TNFAIP8L3: variants seen among roughly 807,000 people sequenced by gnomAD.
The protein encoded by TNFAIP8L3 is TNF alpha induced protein 8 like 3.
Under a neutral mutation model 11.8 loss-of-function variants are expected in TNFAIP8L3, and 7 were observed. The observed-to-expected ratio is 0.59, with a 90% confidence interval of 0.34 to 1.11. The LOEUF is 1.11. Ranked by LOEUF, TNFAIP8L3 falls within the 50% of genes most tolerant of loss-of-function variation. The probability of loss-of-function intolerance (pLI) is 0.03; values close to 1 mark genes in which losing one functional copy is unlikely to be tolerated. For synonymous variants in TNFAIP8L3, 98 were observed against 103.8 expected, an observed-to-expected ratio of 0.94 and a Z score of 0.34; for missense variants, 219 against 258.6, an observed-to-expected ratio of 0.85 and a Z score of 1.05.
chr15:51,099,462 AAGAG>A (rs773087639), upstream of TNFAIP8L3, among the ~76,000 whole-genome samples: 1 of 152,002 alleles, frequency 6.6e-6, no homozygotes, highest in Non-Finnish European at 1.5e-5. Context: ...GGAGAAGAGA[AAGAG>A]AGAGAGAGAA....
rs1295523812 is a variant in TNFAIP8L3, at chr15:51,094,435, G to A, written c.52+109C>T. 3 of 1,246,176 alleles carry A rather than the reference G, an allele frequency of 2.4e-6. No homozygotes were observed. In the African/African-American group the frequency reaches 4.8e-5, roughly 20 times the overall value. 77.2% of individuals were successfully genotyped at this position (1,246,176 alleles called of 1,614,324 possible). A position where few individuals can be genotyped will look rare whatever the true frequency, so the allele number is the denominator to read the frequency against. Reference sequence around the variant, plus strand: ...CGACGCGGAGCAATCCCCAGTCTTGGCCTGGAAGGGGTCGGGCTGCTGAGG... The same window carrying A: ...CGACGCGGAGCAATCCCCAGTCTTGACCTGGAAGGGGTCGGGCTGCTGAGG... On this transcript the variant is annotated intron_variant, in intron 1 of 1. Transcript: ENST00000637513. This position sits in a 1 kb window ranked among gnomAD's most constrained non-coding sequence, Gnocchi z 4.4.
intron 1 of TNFAIP8L3, among the ~76,000 whole-genome samples, chr15:51,069,982 C>T (rs1490894564): frequency 1.3e-5 from 2 of 152,132 alleles, no homozygotes; most frequent in African/African-American, 4.8e-5. Flanking sequence ...TATTTCATCA[C>T]TTTTTTAAAT....
At chr15:51,058,970 T>G (rs1461231971) in intron 1 of TNFAIP8L3, among the ~76,000 whole-genome samples, 1 of 152,244 alleles carries the variant, frequency 6.6e-6, no homozygotes, top group African/African-American at 2.4e-5. Flanking sequence ...TTCTTTTGCT[T>G]TTGAAATATT....
chr15:51,097,410 G>C (rs1285626340), upstream of TNFAIP8L3, among the ~76,000 whole-genome samples: 1 of 152,198 alleles, frequency 6.6e-6, no homozygotes, highest in African/African-American at 2.4e-5. Context: ...TGGGCATGGG[G>C]GGGAGAGAAA....
At chr15:51,100,415 G>A (rs1427212288) in intron 1 of TNFAIP8L3, among the ~76,000 whole-genome samples, 1 of 151,878 alleles carries the variant, frequency 6.6e-6, no homozygotes, top group Non-Finnish European at 1.5e-5. Context: ...ACAACAACAA[G>A]AGTAGTGATT....
chr15:51,082,500 C>G (rs966731974), intron 1 of TNFAIP8L3, among the ~76,000 whole-genome samples: 1 of 152,166 alleles, frequency 6.6e-6, no homozygotes, highest in Admixed American at 6.5e-5. Context: ...CTACTATAGA[C>G]TTTATCAACA....
At chr15:51,071,849 T>G (rs1410580359) in intron 1 of TNFAIP8L3, among the ~76,000 whole-genome samples, 2 of 152,218 alleles carry the variant, frequency 1.3e-5, no homozygotes, top group Non-Finnish European at 2.9e-5. Context: ...CATCCAACTT[T>G]TTAATTTTTG....
rs2065215737 is a variant in TNFAIP8L3 at position 51,057,806 on chromosome 15, G to T, written c.*75C>A. ...ATCTTTGACAAGGGTTTCTGCTTATGTTCTTGATTCTCACCCAGATCATGG... is the reference window on the plus strand; with the variant it reads ...ATCTTTGACAAGGGTTTCTGCTTATTTTCTTGATTCTCACCCAGATCATGG... On this transcript the variant is annotated 3_prime_UTR_variant, in exon 2 of 2. Transcript: ENST00000637513. 11 of 1,298,706 alleles carry T rather than the reference G, an allele frequency of 8.5e-6. No individual in the cohort carries two copies. The highest frequency in any genetic ancestry group is 1.2e-5 in the Non-Finnish European group (11 of 940,396). 80.4% of individuals were successfully genotyped at this position (1,298,706 alleles called of 1,614,324 possible).
Position 51,094,400 on chromosome 15 carries a change from A to G in TNFAIP8L3, c.52+144T>C. 9.4e-7 allele frequency: 1 copy of G among 1,058,232 alleles called. No individual in the cohort carries two copies. Among genetic ancestry groups the G allele is most frequent in the Non-Finnish European group, 1.2e-6 (1 of 820,170 alleles). 65.6% of individuals were successfully genotyped at this position (1,058,232 alleles called of 1,614,324 possible). On this transcript the variant is annotated intron_variant, in intron 1 of 1. Coordinates refer to ENST00000637513, the MANE Select transcript of TNFAIP8L3 (RefSeq NM_001311175.2). The surrounding 1 kb of genome is among the most constrained non-coding windows in gnomAD (Gnocchi z 4.4). ...GCAATGGGGTTGGGGGAAGCCCCAA[A>G]GCAAACTCACGACGCGGAGCAATCC...
chr15:51,076,532 C>T (rs1194127989), intron 1 of TNFAIP8L3, among the ~76,000 whole-genome samples: 1 of 152,176 alleles, frequency 6.6e-6, no homozygotes, highest in Non-Finnish European at 1.5e-5. Context: ...GAAGTACCAC[C>T]AAAAGGTTTC....
rs1595620390 is a variant in TNFAIP8L3, at chr15:51,094,113, G to C, written c.52+431C>G. 6.6e-6 allele frequency among the ~76,000 whole-genome samples: 1 copy of C among 152,152 alleles called. No homozygotes were observed. The highest frequency in any genetic ancestry group is 1.9e-4 in the East Asian group (1 of 5,174). On this transcript the variant is annotated intron_variant, in intron 1 of 1. Transcript: ENST00000637513. This position sits in a 1 kb window ranked among gnomAD's most constrained non-coding sequence, Gnocchi z 4.4. ...ACTCGCGAGGCCTTTTCTGTTCAGA[G>C]CCCCCAGTCACGTTCTTGGACCCAG...
upstream of TNFAIP8L3, among the ~76,000 whole-genome samples, chr15:51,095,079 AAG>A (rs2065503393): frequency 6.6e-6 from 1 of 152,008 alleles, no homozygotes; most frequent in Non-Finnish European, 1.5e-5. Context: ...CTAGGTGAAA[AAG>A]AGCTTCAACT....
In TNFAIP8L3 at chr15:51,094,442, AG is replaced by A; in HGVS notation, c.52+101del. 7.9e-7 allele frequency: 1 copy of A among 1,264,732 alleles called. No homozygotes were observed. Among genetic ancestry groups the A allele is most frequent in the African/African-American group, 1.6e-5 (1 of 62,992 alleles). The allele number at this position is 1,264,732 out of a possible 1,614,324, so 78.3% of individuals were successfully genotyped here. A position where few individuals can be genotyped will look rare whatever the true frequency, so the allele number is the denominator to read the frequency against. ...GAGCAATCCCCAGTCTTGGCCTGGA[AG>A]GGGTCGGGCTGCTGAGGATCGGCTT... On this transcript the variant is annotated intron_variant, in intron 1 of 1. Transcript: ENST00000637513. The surrounding 1 kb of genome is among the most constrained non-coding windows in gnomAD (Gnocchi z 4.4).
intron 1 of TNFAIP8L3, among the ~76,000 whole-genome samples, chr15:51,099,937 A>G (rs969444801): frequency 3.9e-5 from 6 of 152,250 alleles, no homozygotes; most frequent in Non-Finnish European, 8.8e-5. Context: ...TTGATTCCGG[A>G]AATAACCAAT....
intron 1 of TNFAIP8L3, among the ~76,000 whole-genome samples, chr15:51,078,815 C>T (rs974950190): frequency 1.3e-5 from 2 of 152,080 alleles, no homozygotes; most frequent in African/African-American, 2.4e-5. Flanking sequence ...TCTAACGAGG[C>T]CTCCGACTGT....
At chr15:51,093,616 G>T (rs1202096920) in intron 1 of TNFAIP8L3, among the ~76,000 whole-genome samples, 1 of 152,152 alleles carries the variant, frequency 6.6e-6, no homozygotes, top group Non-Finnish European at 1.5e-5. Flanking sequence ...GTCCCAGCCC[G>T]CAGGTCACGG....
chr15:51,090,124 G>A (rs1185133727), intron 1 of TNFAIP8L3, among the ~76,000 whole-genome samples: 1 of 152,190 alleles, frequency 6.6e-6, no homozygotes, highest in African/African-American at 2.4e-5. Context: ...GAAGGAAGAG[G>A]CAGCGTCTGT....
intron 1 of TNFAIP8L3, among the ~76,000 whole-genome samples, chr15:51,089,949 T>C (rs2065456002): frequency 6.6e-6 from 1 of 152,226 alleles, no homozygotes; most frequent in Admixed American, 6.5e-5. Flanking sequence ...CCATTTATCT[T>C]CAATCTGTCA....
chr15:51,105,144 C>T (rs1476797479), exon 1 of TNFAIP8L3: 1 of 1,613,990 alleles, frequency 6.2e-7, no homozygotes, highest in South Asian at 1.1e-5. Flanking sequence ...GTGTGGAAAC[C>T]AGTGTGCTTG....
Sources: allele counts gnomAD v4.1 joint callset (sites outside exome capture counted in the v4.1 genomes callset), GRCh38; gene constraint gnomAD v4.1.1; non-coding constraint Gnocchi (gnomAD v3.1); transcripts MANE v1.5; gene names NCBI Gene and HGNC (gene_info 2026-07-23, HGNC 2026-07-21).